The following RBFOX3 variants were observed in gnomAD, a reference collection of about 807,000 sequenced individuals.
RBFOX3 encodes RNA binding fox-1 homolog 3.
In RBFOX3, 17 loss-of-function variants were observed where a neutral mutation model predicts 48.7. The observed-to-expected ratio is 0.35, with a 90% CI of 0.24 to 0.52. The LOEUF (loss-of-function observed/expected upper bound fraction) is 0.52. Ranked by LOEUF, RBFOX3 falls within the 20% of genes least tolerant of loss-of-function variation. The pLI is 0.94. For missense variants in RBFOX3, 382 were observed against 497.5 expected (o/e 0.77, Z 2.21); for synonymous variants, 212 against 209.5 (o/e 1.01, Z -0.10).
At chr17:79,551,532 C>CGGCTGGGT (rs2091152314) in intron 1 of RBFOX3, among the ~76,000 whole-genome samples, 1 of 107,718 alleles carries the variant, frequency 9.3e-6, no homozygotes, top group Non-Finnish European at 2.0e-5. Context: ...GATGGATGGA[C>CGGCTGGGT]GGGTGGGTGG....
intron 2 of RBFOX3, among the ~76,000 whole-genome samples, chr17:79,340,535 C>A (rs2081923727): frequency 6.6e-6 from 1 of 152,126 alleles, no homozygotes; most frequent in Admixed American, 6.5e-5. Context: ...CTGCATGGGG[C>A]AGAGTGACTT....
At chr17:79,276,779 T>C (rs1039838033) in intron 3 of RBFOX3, among the ~76,000 whole-genome samples, 3 of 152,148 alleles carry the variant, frequency 2.0e-5, no homozygotes. Context: ...CGGCCAGGCA[T>C]GTTCTCAGCA....
At chr17:79,393,910 C>T (rs930730249) in intron 2 of RBFOX3, among the ~76,000 whole-genome samples, 26 of 149,272 alleles carry the variant, frequency 1.7e-4, no homozygotes, top group African/African-American at 6.4e-4. Flanking sequence ...CAGAGATGGC[C>T]ATCAATGCAC....
chr17:79,197,152 G>C (rs984239644), intron 4 of RBFOX3, among the ~76,000 whole-genome samples: 1 of 152,180 alleles, frequency 6.6e-6, no homozygotes, highest in African/African-American at 2.4e-5. Context: ...GTTCCTGTGA[G>C]CTGTGATTCT....
chr17:79,590,059 G>A (rs915894893), intron 1 of RBFOX3, among the ~76,000 whole-genome samples: 2 of 152,102 alleles, frequency 1.3e-5, no homozygotes, highest in Non-Finnish European at 2.9e-5. Flanking sequence ...TGGGGGACCG[G>A]GAGACAAATG....
At chr17:79,131,197 C>G (rs2038806013) in intron 4 of RBFOX3, among the ~76,000 whole-genome samples, 1 of 149,534 alleles carries the variant, frequency 6.7e-6, no homozygotes, top group Non-Finnish European at 1.5e-5. Context: ...GCTGTGTGCT[C>G]CGTGTGTTCT....
Position 79,480,702 on chromosome 17 carries a change from G to C in RBFOX3, c.-175+1752C>G, listed in dbSNP as rs1389548553. Among the ~76,000 whole-genome samples, 2 of 152,088 alleles carry C rather than the reference G, an allele frequency of 1.3e-5. No homozygotes were observed. The highest frequency in any genetic ancestry group is 2.4e-5 in the African/African-American group (1 of 41,402). The stretch of plus-strand genomic sequence containing the variant: ...CTCTGTCTGGAACACTCTCCCCTCA[G>C]ACATCCTGGGGTCCTCCCTCCCTTC... On this transcript the variant is annotated intron_variant, in intron 2 of 14. Transcript: ENST00000693108. The surrounding 1 kb of genome is among the most constrained non-coding windows in gnomAD (Gnocchi z 4.8).
At chr17:79,144,201 C>A (rs1402426486) in intron 4 of RBFOX3, among the ~76,000 whole-genome samples, 1 of 152,226 alleles carries the variant, frequency 6.6e-6, no homozygotes, top group East Asian at 1.9e-4. Flanking sequence ...GCCAGGCCCT[C>A]CAAGCCGTCC....
In RBFOX3 at chr17:79,249,166, C is replaced by T. The variant is rs879292584; in HGVS notation, c.-73-13361G>A. 6.6e-6 allele frequency among the ~76,000 whole-genome samples: 1 copy of T among 152,208 alleles called. No individual in the cohort carries two copies. Among genetic ancestry groups the T allele is most frequent in the Admixed American group, 6.5e-5 (1 of 15,284 alleles). On this transcript the variant is annotated intron_variant, in intron 3 of 14. Coordinates refer to ENST00000693108, the MANE Select transcript of RBFOX3 (RefSeq NM_001350451.2). This position sits in a 1 kb window ranked among gnomAD's most constrained non-coding sequence, Gnocchi z 4.1. ...CTGCAAAACCATCTCTGGAACCACC[C>T]TGAAGCTAGGGACTCGGCTCAGGAA...
At chr17:79,342,023 C>A (rs2082180179) in intron 2 of RBFOX3, among the ~76,000 whole-genome samples, 1 of 152,266 alleles carries the variant, frequency 6.6e-6, no homozygotes, top group African/African-American at 2.4e-5. Context: ...GGCCCCCTCC[C>A]AGCCTCCCTG....
At chr17:79,448,840 C>T (rs782301433) in intron 2 of RBFOX3, among the ~76,000 whole-genome samples, 10 of 152,200 alleles carry the variant, frequency 6.6e-5, no homozygotes, top group Non-Finnish European at 7.3e-5. Context: ...ACCTGGACGG[C>T]AGCCCCTGAT....
intron 1 of RBFOX3, among the ~76,000 whole-genome samples, chr17:79,584,057 G>A (rs1445392424): frequency 1.3e-4 from 20 of 152,126 alleles, no homozygotes; most frequent in Non-Finnish European, 2.5e-4. Context: ...GCAGGGGCAC[G>A]GATCACAAAA....
intron 1 of RBFOX3, among the ~76,000 whole-genome samples, chr17:79,594,442 C>T (rs2093512360): frequency 6.6e-6 from 1 of 152,166 alleles, no homozygotes; most frequent in African/African-American, 2.4e-5. Context: ...CCTGTTCACA[C>T]CACCAGCCAG....
intron 1 of RBFOX3, among the ~76,000 whole-genome samples, chr17:79,588,182 G>C (rs2093312619): frequency 6.6e-6 from 1 of 152,162 alleles, no homozygotes; most frequent in South Asian, 2.1e-4. Flanking sequence ...GGATGCAGTT[G>C]CTGGAGCTGG....
At chr17:79,474,361 C>T (rs1250642138) in intron 2 of RBFOX3, among the ~76,000 whole-genome samples, 1 of 152,236 alleles carries the variant, frequency 6.6e-6, no homozygotes, top group Non-Finnish European at 1.5e-5. Flanking sequence ...TCTGCAGTTA[C>T]TTCTGTGTGA....
intron 1 of RBFOX3, among the ~76,000 whole-genome samples, chr17:79,512,493 T>C (rs2084485261): frequency 7.0e-6 from 1 of 142,910 alleles, no homozygotes; most frequent in Admixed American, 6.8e-5. Context: ...TACCATCGAG[T>C]ACAGCCCCAT....
intron 1 of RBFOX3, among the ~76,000 whole-genome samples, chr17:79,585,153 G>A (rs2093206732): frequency 6.6e-6 from 1 of 152,128 alleles, no homozygotes; most frequent in Non-Finnish European, 1.5e-5. Context: ...TCCACTGCTG[G>A]GAGGATGGGA....
intron 1 of RBFOX3, among the ~76,000 whole-genome samples, chr17:79,536,840 C>T (rs1555788829): frequency 6.6e-6 from 1 of 152,212 alleles, no homozygotes. Context: ...AATCCCAGCG[C>T]TTTGGGAGGC....
intron 2 of RBFOX3, among the ~76,000 whole-genome samples, chr17:79,337,515 C>T (rs2081379759): frequency 1.3e-5 from 2 of 152,348 alleles, no homozygotes; most frequent in East Asian, 3.9e-4. Context: ...GTGGCTCACG[C>T]CTGTAATCCC....
Sources: gnomAD v4.1 joint callset for allele counts (sites outside exome capture counted in the v4.1 genomes callset) on GRCh38, gnomAD v4.1.1 for gene constraint, Gnocchi (gnomAD v3.1) non-coding constraint, MANE v1.5 for transcripts, NCBI Gene and HGNC (gene_info 2026-07-23, HGNC 2026-07-21) for gene names.